The following ADGRL3 variants were observed in gnomAD, a reference collection of about 807,000 sequenced individuals.
ADGRL3 encodes the protein adhesion G protein-coupled receptor L3, also known as calcium-independent alpha-latrotoxin receptor 3.
Under a neutral mutation model 153.5 loss-of-function variants are expected in ADGRL3, and 62 were observed. The ratio of observed to expected loss-of-function variants is 0.40; its 90% CI spans 0.33 to 0.50. The LOEUF is 0.50. Among genes scored for constraint, ADGRL3 ranks in the 20% least tolerant of loss-of-function variants. The pLI is 0.47. For synonymous variants in ADGRL3, 710 were observed against 672.5 expected, an observed-to-expected ratio of 1.06 and a Z score of -0.86; for missense variants, 1,641 against 1,859.4, an observed-to-expected ratio of 0.88 and a Z score of 2.16.
At chr4:61,665,342 C>A (rs924685973) in intron 5 of ADGRL3, among the ~76,000 whole-genome samples, 1 of 152,092 alleles carries the variant, frequency 6.6e-6, no homozygotes, top group South Asian at 2.1e-4. Context: ...ACCTGGGAGG[C>A]AGAGGCTGCA....
At chr4:61,476,137 A>C (rs1448481524) in intron 2 of ADGRL3, among the ~76,000 whole-genome samples, 1 of 152,152 alleles carries the variant, frequency 6.6e-6, no homozygotes, top group Non-Finnish European at 1.5e-5. Flanking sequence ...TTTCTCAATT[A>C]ATTATTCTTT....
At chr4:61,725,406 C>T (rs1289187187) in intron 6 of ADGRL3, among the ~76,000 whole-genome samples, 2 of 151,918 alleles carry the variant, frequency 1.3e-5, no homozygotes, top group Non-Finnish European at 2.9e-5. Context: ...TCCTGGCTTA[C>T]ACAGTGAAAC....
intron 1 of ADGRL3, among the ~76,000 whole-genome samples, chr4:61,317,254 G>A (rs2095243675): frequency 6.6e-6 from 1 of 152,158 alleles, no homozygotes; most frequent in Non-Finnish European, 1.5e-5. Flanking sequence ...ATCTGGGAGT[G>A]TATCTGGCAG....
At chr4:61,920,805 A>G (rs2149973647) in intron 13 of ADGRL3, among the ~76,000 whole-genome samples, 1 of 152,264 alleles carries the variant, frequency 6.6e-6, no homozygotes, top group East Asian at 1.9e-4. Flanking sequence ...ACTTTCCAGG[A>G]GTCTCTCCAA....
intron 1 of ADGRL3, 32 bp downstream of exon 1, chr4:61,201,797 G>A (rs886365067): frequency 1.3e-5 from 2 of 152,630 alleles, no homozygotes; most frequent in African/African-American, 4.8e-5. Flanking sequence ...TCATAATAGG[G>A]GTCGCCCTGG....
chr4:61,330,494 C>T (rs1181538472), intron 1 of ADGRL3, among the ~76,000 whole-genome samples: 1 of 152,114 alleles, frequency 6.6e-6, no homozygotes, highest in Non-Finnish European at 1.5e-5. Flanking sequence ...CTGCAGCTTT[C>T]CCGGTTCTCA....
chr4:61,739,163 A>G (rs2096553197), intron 8 of ADGRL3, among the ~76,000 whole-genome samples: 1 of 152,202 alleles, frequency 6.6e-6, no homozygotes, highest in East Asian at 1.9e-4. Flanking sequence ...TAAATAATAT[A>G]GTTATATTTC....
rs13102476 is a variant in ADGRL3, at chr4:62,024,872, G to A, written c.3396-3983G>A. 7.8e-3 allele frequency among the ~76,000 whole-genome samples: 1,143 copies of A among 146,794 alleles called. 7 individuals are homozygous for A. Among genetic ancestry groups the A allele is most frequent in the Non-Finnish European group, 0.013 (891 of 67,322 alleles). On this transcript the variant is annotated intron_variant, in intron 21 of 26. Coordinates refer to ENST00000683033, the MANE Select transcript of ADGRL3 (RefSeq NM_001387552.1). ...GTGAACCCGGGAGGTGGAGGTTGCAGTGAGCCGAGATTGTGCCATTGCACT... is the reference window on the plus strand; with the variant it reads ...GTGAACCCGGGAGGTGGAGGTTGCAATGAGCCGAGATTGTGCCATTGCACT...
Position 61,887,280 on chromosome 4 carries a change from C to A in ADGRL3, c.1481-5376C>A, listed in dbSNP as rs375430466. ...AAGAATAGTAATGCTTTACTAGATT[C>A]TTTTTATTTCCTTCAGCTTCTTCTT... On this transcript the variant is annotated intron_variant, in intron 9 of 26. Coordinates refer to ENST00000683033, the MANE Select transcript of ADGRL3 (RefSeq NM_001387552.1). 4.6e-5 allele frequency among the ~76,000 whole-genome samples: 7 copies of A among 152,100 alleles called. 1 individual carries two copies. Among genetic ancestry groups the A allele is most frequent in the African/African-American group, 1.7e-4 (7 of 41,506 alleles).
intron 4 of ADGRL3, among the ~76,000 whole-genome samples, chr4:61,548,292 G>T (rs10023159): frequency 6.6e-6 from 1 of 151,714 alleles, no homozygotes; most frequent in Non-Finnish European, 1.5e-5. Context: ...AATTAGGTAC[G>T]ATTTGTCAAT....
intron 1 of ADGRL3, among the ~76,000 whole-genome samples, chr4:61,251,881 T>TTA (rs1759435404): frequency 8.5e-6 from 1 of 117,894 alleles, no homozygotes; most frequent in Admixed American, 8.4e-5. Context: ...TTTTTTTTAA[T>TTA]TTTTTTATTT....
At chr4:61,451,381 G>T (rs1444615786) in intron 2 of ADGRL3, among the ~76,000 whole-genome samples, 1 of 152,072 alleles carries the variant, frequency 6.6e-6, no homozygotes, top group Non-Finnish European at 1.5e-5. Flanking sequence ...CTCTGAATGA[G>T]GAAGGATTTA....
chr4:61,744,815 C>T (rs1005717717), intron 8 of ADGRL3, among the ~76,000 whole-genome samples: 1 of 152,168 alleles, frequency 6.6e-6, no homozygotes, highest in East Asian at 1.9e-4. Flanking sequence ...CACCTCTCCC[C>T]CTCCAAAGGA....
chr4:61,697,414 G>A (rs1230877712), intron 6 of ADGRL3, among the ~76,000 whole-genome samples: 1 of 152,010 alleles, frequency 6.6e-6, no homozygotes, highest in Non-Finnish European at 1.5e-5. Context: ...ACAAAAATTA[G>A]CAAGGAATGG....
chr4:61,225,253 C>A (rs2149087018), intron 1 of ADGRL3, among the ~76,000 whole-genome samples: 1 of 152,280 alleles, frequency 6.6e-6, no homozygotes, highest in South Asian at 2.1e-4. Context: ...CCTTTAGTAT[C>A]CTGTTGTTAC....
At position 61,455,585 on chromosome 4, in the gene ADGRL3, T is replaced by C. The variant is rs181555199; in HGVS notation, c.-173-41536T>C. Among the ~76,000 whole-genome samples the C allele has an allele frequency of 5.3e-3, 802 of 152,224 alleles. 8 individuals carry two copies. Among genetic ancestry groups the C allele is most frequent in the African/African-American group, 0.018 (743 of 41,554 alleles). On this transcript the variant is annotated intron_variant, in intron 2 of 26. Coordinates refer to ENST00000683033, the MANE Select transcript of ADGRL3 (RefSeq NM_001387552.1). ...GAAGAAGTAGGCAATTAAATATTCA[T>C]GAGTATAATATGTAGTATTATTATA...
At chr4:61,600,839 A>C (rs1386176495) in intron 5 of ADGRL3, among the ~76,000 whole-genome samples, 1 of 152,230 alleles carries the variant, frequency 6.6e-6, no homozygotes, top group Admixed American at 6.5e-5. Flanking sequence ...CGTTCTAAAA[A>C]AAACATGGTA....
intron 15 of ADGRL3, among the ~76,000 whole-genome samples, chr4:61,937,147 T>C (rs2098842545): frequency 6.6e-6 from 1 of 152,192 alleles, no homozygotes; most frequent in Non-Finnish European, 1.5e-5. Context: ...TCCACTCTTT[T>C]GCCCTCCAAC....
chr4:61,430,304 A>C (rs1383674924), intron 2 of ADGRL3, among the ~76,000 whole-genome samples: 1 of 152,210 alleles, frequency 6.6e-6, no homozygotes, highest in Non-Finnish European at 1.5e-5. Context: ...ATGGCTTTGC[A>C]GGTATGAAGG....
Sources: allele counts gnomAD v4.1 joint callset (sites outside exome capture counted in the v4.1 genomes callset), GRCh38; gene constraint gnomAD v4.1.1; transcripts MANE v1.5; gene names NCBI Gene and HGNC (gene_info 2026-07-23, HGNC 2026-07-21).